NAALADL2: variants seen among roughly 807,000 people sequenced by gnomAD.
The protein encoded by NAALADL2 is N-acetylated alpha-linked acidic dipeptidase like 2, also known as inactive N-acetylated-alpha-linked acidic dipeptidase-like protein 2.
Under a neutral mutation model 87.2 loss-of-function variants are expected in NAALADL2, and 76 were observed. The ratio of observed to expected loss-of-function variants is 0.87; its 90% CI spans 0.72 to 1.05. The LOEUF (loss-of-function observed/expected upper bound fraction) is 1.05. NAALADL2 is among the 50% of genes least tolerant of loss of function. The probability of loss-of-function intolerance (pLI) is 0.00; values close to 1 mark genes in which losing one functional copy is unlikely to be tolerated. For synonymous variants in NAALADL2, 354 were observed against 331.0 expected, an observed-to-expected ratio of 1.07 and a Z score of -0.75; for missense variants, 1,089 against 945.8, an observed-to-expected ratio of 1.15 and a Z score of -1.99.
At chr3:174,661,827 G>A (rs945200168) in intron 2 of NAALADL2, among the ~76,000 whole-genome samples, 8 of 150,314 alleles carry the variant, frequency 5.3e-5, no homozygotes, top group South Asian at 2.1e-4. Context: ...ATGCGTGCAC[G>A]CACACACACA....
At chr3:175,340,742 G>A (rs1363976571) in intron 5 of NAALADL2, among the ~76,000 whole-genome samples, 1 of 152,146 alleles carries the variant, frequency 6.6e-6, no homozygotes, top group Non-Finnish European at 1.5e-5. Flanking sequence ...TCCTCATGAT[G>A]TGTATCTGCT....
intron 2 of NAALADL2, among the ~76,000 whole-genome samples, chr3:174,557,121 A>G (rs1397437200): frequency 2.6e-5 from 4 of 152,168 alleles, no homozygotes; most frequent in African/African-American, 9.7e-5. Context: ...AAAGCTGTGT[A>G]TTTTTATATT....
intron 10 of NAALADL2, among the ~76,000 whole-genome samples, chr3:175,608,275 A>C (rs1724068576): frequency 1.3e-5 from 2 of 149,540 alleles, no homozygotes; most frequent in African/African-American, 4.9e-5. Context: ...CTATGGGCTA[A>C]TTTATTCAAA....
intron 12 of NAALADL2, among the ~76,000 whole-genome samples, chr3:175,746,484 C>T (rs1337205260): frequency 6.6e-6 from 1 of 151,976 alleles, no homozygotes; most frequent in South Asian, 2.1e-4. Context: ...ATTTAATTAC[C>T]ACCAATTCCA....
At chr3:175,174,178 A>G (rs1489038469) in intron 2 of NAALADL2, among the ~76,000 whole-genome samples, 1 of 152,204 alleles carries the variant, frequency 6.6e-6, no homozygotes, top group Non-Finnish European at 1.5e-5. Flanking sequence ...TGCACTAATT[A>G]TTGAACAATC....
rs115709336 is a variant in NAALADL2, at chr3:174,809,346, A to G, written c.-9+71600A>G. Among the ~76,000 whole-genome samples the G allele has an allele frequency of 3.2e-3, 492 of 152,318 alleles. 2 individuals carry two copies. Among genetic ancestry groups the G allele is most frequent in the African/African-American group, 0.011 (470 of 41,574 alleles). Reference sequence around the variant, plus strand: ...CCACGCTATGTAAAACTAACAGAAAAGTAGACAATAAAACTTTTGTATAAA... The same window carrying G: ...CCACGCTATGTAAAACTAACAGAAAGGTAGACAATAAAACTTTTGTATAAA... On this transcript the variant is annotated intron_variant, in intron 3 of 3. Coordinates refer to the NAALADL2 transcript ENST00000434257.
chr3:175,239,589 T>C (rs1746483063), intron 3 of NAALADL2, among the ~76,000 whole-genome samples: 1 of 152,222 alleles, frequency 6.6e-6, no homozygotes, highest in East Asian at 1.9e-4. Context: ...TATCTTTTCA[T>C]TCTGTAAAGC....
chr3:175,650,659 G>T (rs931058792), intron 11 of NAALADL2, among the ~76,000 whole-genome samples: 11 of 152,032 alleles, frequency 7.2e-5, no homozygotes, highest in African/African-American at 2.7e-4. Context: ...AAATTTCATT[G>T]CTGTCTATAA....
At chr3:174,604,953 A>G (rs1048693908) in intron 2 of NAALADL2, among the ~76,000 whole-genome samples, 3 of 151,500 alleles carry the variant, frequency 2.0e-5, no homozygotes, top group African/African-American at 4.8e-5. Flanking sequence ...GGGTTTCACA[A>G]TATTGTCCAG....
At chr3:174,467,042 A>G (rs1334323940) in intron 1 of NAALADL2, among the ~76,000 whole-genome samples, 1 of 152,134 alleles carries the variant, frequency 6.6e-6, no homozygotes, top group Non-Finnish European at 1.5e-5. Context: ...TATGTAGTCT[A>G]TCTTGAAATG....
At chr3:175,073,573 G>C (rs1223458751) in intron 1 of NAALADL2, among the ~76,000 whole-genome samples, 6 of 151,982 alleles carry the variant, frequency 3.9e-5, no homozygotes, top group Non-Finnish European at 8.8e-5. Flanking sequence ...AAATGTTCGA[G>C]TGTTATTTTT....
intron 11 of NAALADL2, among the ~76,000 whole-genome samples, chr3:175,674,884 A>T (rs1734554217): frequency 6.6e-6 from 1 of 152,160 alleles, no homozygotes. Flanking sequence ...GAGTACGAAA[A>T]AACCCAAAGA....
At chr3:174,945,814 G>A (rs926237658) in intron 1 of NAALADL2, among the ~76,000 whole-genome samples, 17 of 152,086 alleles carry the variant, frequency 1.1e-4, no homozygotes, top group African/African-American at 2.4e-5. Context: ...CTGGGAGGCT[G>A]AGGCGGGCAG....
At chr3:175,374,900 A>T (rs1766957273) in intron 5 of NAALADL2, among the ~76,000 whole-genome samples, 1 of 150,574 alleles carries the variant, frequency 6.6e-6, no homozygotes, top group Non-Finnish European at 1.5e-5. Flanking sequence ...AAATAAATAA[A>T]TAAATAAATA....
In NAALADL2 at chr3:175,540,708, G is replaced by A. The variant is rs182767376; in HGVS notation, c.1654-35333G>A. Among the ~76,000 whole-genome samples the A allele has an allele frequency of 3.5e-3, 533 of 152,130 alleles. 17 individuals carry two copies. The highest frequency in any genetic ancestry group is 0.032 in the Admixed American group (483 of 15,272). On this transcript the variant is annotated intron_variant, in intron 9 of 13. Transcript: ENST00000454872. ...TGCAGTTTGAGAGTAGGGTTGACAG[G>A]CTTTGTTGATAAATGTGATCCAAAA...
intron 4 of NAALADL2, among the ~76,000 whole-genome samples, chr3:175,278,447 G>A (rs2110065722): frequency 6.6e-6 from 1 of 152,196 alleles, no homozygotes. Context: ...CATGTTATTT[G>A]AAGTTCAAAA....
chr3:175,021,313 G>A (rs1457609973), intron 1 of NAALADL2, among the ~76,000 whole-genome samples: 1 of 152,012 alleles, frequency 6.6e-6, no homozygotes, highest in African/African-American at 2.4e-5. Flanking sequence ...TGTGTTTCTA[G>A]TACCTGTATA....
At chr3:175,218,934 T>C (rs1330799052) in intron 2 of NAALADL2, among the ~76,000 whole-genome samples, 1 of 152,022 alleles carries the variant, frequency 6.6e-6, no homozygotes, top group Non-Finnish European at 1.5e-5. Flanking sequence ...GCCTCCCAAG[T>C]AACTGGGATT....
intron 2 of NAALADL2, among the ~76,000 whole-genome samples, chr3:174,676,743 G>A (rs1727076711): frequency 6.6e-6 from 1 of 151,542 alleles, no homozygotes; most frequent in Non-Finnish European, 1.5e-5. Context: ...TTTCATCAAA[G>A]GTCTTTATTA....
Sources: allele counts gnomAD v4.1 joint callset (sites outside exome capture counted in the v4.1 genomes callset), GRCh38; gene constraint gnomAD v4.1.1; transcripts MANE v1.5; gene names NCBI Gene and HGNC (gene_info 2026-07-23, HGNC 2026-07-21).